RUNDC3B: variants seen among roughly 807,000 people sequenced by gnomAD.
The protein encoded by RUNDC3B is RUN domain-containing protein 3B.
RUNDC3B carries 33 observed loss-of-function variants against 58.4 expected under a neutral mutation model. The ratio of observed to expected loss-of-function variants is 0.56; its 90% CI spans 0.43 to 0.75. The LOEUF (loss-of-function observed/expected upper bound fraction) is 0.75, where lower values mean the gene tolerates loss of function less well. Ranked by LOEUF, RUNDC3B falls within the 30% of genes least tolerant of loss-of-function variation. RUNDC3B has a pLI of 0.00. For missense variants in RUNDC3B, 501 were observed against 535.7 expected, an observed-to-expected ratio of 0.94 and a Z score of 0.64; for synonymous variants, 193 against 195.2, an observed-to-expected ratio of 0.99 and a Z score of 0.10.
intron 6 of RUNDC3B, among the ~76,000 whole-genome samples, chr7:87,760,735 GTGT>G (rs1833633248): frequency 6.6e-6 from 1 of 152,068 alleles, no homozygotes; most frequent in Non-Finnish European, 1.5e-5. Context: ...ATAAAGAATA[GTGT>G]TTTCACTAAA....
rs868349299 is a variant in RUNDC3B at position 87,770,501 on chromosome 7, G to A, written c.630-80G>A. On this transcript the variant is annotated intron_variant, in intron 6 of 10. Transcript: ENST00000394654. The stretch of plus-strand genomic sequence containing the variant: ...CTAAATATTTTCGAATTTGTTCACC[G>A]TAGCTTGCAAATGTAAAAGTGTTTA... 31 of 1,088,012 alleles carry A rather than the reference G, an allele frequency of 2.8e-5. No homozygotes were observed. In the Middle Eastern group the frequency reaches 2.6e-3, roughly 90 times the overall value. 67.4% of individuals were successfully genotyped at this position (1,088,012 alleles called of 1,614,324 possible). A position where few individuals can be genotyped will look rare whatever the true frequency, so the allele number is the denominator to read the frequency against.
intron 1 of RUNDC3B, among the ~76,000 whole-genome samples, chr7:87,632,840 G>T (rs747617203): frequency 2.6e-5 from 4 of 152,024 alleles, no homozygotes; most frequent in African/African-American, 9.7e-5. Flanking sequence ...ATTAAAATAT[G>T]CACATATAAA....
In RUNDC3B at chr7:87,807,380, C is replaced by A; in HGVS notation, c.964C>A (p.Leu322Ile). The change falls in exon 9 of 11, where the codon CTA (leucine) becomes ATA (isoleucine). Residue 322 changes from leucine to isoleucine, a missense_variant. Transcript: ENST00000394654. ...CCATCTTAATATTCACAGGACTGTG[C>A]TAAAGAATAATGATTTAAGATCGAG... ...IVELQDQLTV[L>I]KNNDLRSRQE... 1 of 1,613,582 alleles carries A rather than the reference C, an allele frequency of 6.2e-7. No homozygotes were observed. The highest frequency in any genetic ancestry group is 8.5e-7 in the Non-Finnish European group (1 of 1,179,618).
chr7:87,732,400 A>T (rs1325697175), intron 4 of RUNDC3B, among the ~76,000 whole-genome samples: 1 of 152,046 alleles, frequency 6.6e-6, no homozygotes, highest in East Asian at 1.9e-4. Flanking sequence ...AAATAATAAA[A>T]CCTGAAAAGA....
intron 6 of RUNDC3B, among the ~76,000 whole-genome samples, chr7:87,763,378 C>G (rs1833803664): frequency 2.0e-5 from 3 of 151,652 alleles, no homozygotes; most frequent in Admixed American, 6.6e-5. Flanking sequence ...TCTTGCAAAA[C>G]AACCTTCCTT....
chr7:87,728,562 C>G (rs966766567), intron 4 of RUNDC3B, among the ~76,000 whole-genome samples: 1 of 152,188 alleles, frequency 6.6e-6, no homozygotes, highest in African/African-American at 2.4e-5. Context: ...GCTCATGGCC[C>G]TGCAACAATT....
chr7:87,722,610 A>G (rs576743374), intron 4 of RUNDC3B, among the ~76,000 whole-genome samples: 14 of 152,308 alleles, frequency 9.2e-5, no homozygotes, highest in East Asian at 5.8e-4. Context: ...GGAGATTACC[A>G]TAATTCCTTT....
chr7:87,756,420 T>A (rs948230357), intron 6 of RUNDC3B, among the ~76,000 whole-genome samples: 2 of 152,042 alleles, frequency 1.3e-5, no homozygotes, highest in Non-Finnish European at 2.9e-5. Flanking sequence ...TCTATAAAGA[T>A]GATGTCAGGT....
At chr7:87,720,009 GAA>G (rs1830778769) in intron 4 of RUNDC3B, among the ~76,000 whole-genome samples, 1 of 138,492 alleles carries the variant, frequency 7.2e-6, no homozygotes, top group African/African-American at 2.7e-5. Flanking sequence ...AAAAAAAAGA[GAA>G]AGAAAAACTT....
chr7:87,815,969 G>A (rs577655103), intron 9 of RUNDC3B, among the ~76,000 whole-genome samples, 172 bp from the exon 10 acceptor site: 2 of 152,080 alleles, frequency 1.3e-5, no homozygotes, highest in East Asian at 3.9e-4. Context: ...AAAGATGATA[G>A]AAAGTATAAT....
intron 2 of RUNDC3B, among the ~76,000 whole-genome samples, chr7:87,665,001 C>G (rs992003031): frequency 1.3e-5 from 2 of 152,090 alleles, no homozygotes; most frequent in African/African-American, 4.8e-5. Flanking sequence ...GCATCATATT[C>G]AGTGGTAAAA....
intron 1 of RUNDC3B, among the ~76,000 whole-genome samples, chr7:87,637,844 A>G (rs902076559): frequency 2.6e-5 from 4 of 151,920 alleles, no homozygotes; most frequent in African/African-American, 7.2e-5. Flanking sequence ...GTGCACAGTC[A>G]TGTCATTTGC....
chr7:87,768,966 A>G (rs772520593), intron 6 of RUNDC3B, among the ~76,000 whole-genome samples: 5 of 151,586 alleles, frequency 3.3e-5, no homozygotes, highest in Non-Finnish European at 7.4e-5. Context: ...TAGAAAAACC[A>G]TGTGTATTTT....
chr7:87,684,772 A>AAGAAT (rs1161152828), intron 2 of RUNDC3B, among the ~76,000 whole-genome samples: 4 of 150,208 alleles, frequency 2.7e-5, no homozygotes, highest in East Asian at 3.9e-4. Context: ...AAAAAAAAAA[A>AAGAAT]AGAATAGAAT....
chr7:87,807,334 C>A (rs1171162514), intron 8 of RUNDC3B, 39 bp from the exon 9 acceptor site: 1 of 1,605,084 alleles, frequency 6.2e-7, no homozygotes. Flanking sequence ...CATTGTAGAA[C>A]AGTGAAGACA....
intron 1 of RUNDC3B, among the ~76,000 whole-genome samples, chr7:87,643,339 C>A (rs919463344): frequency 6.6e-6 from 1 of 151,906 alleles, no homozygotes; most frequent in Non-Finnish European, 1.5e-5. Flanking sequence ...TTTTTTGGTT[C>A]CAATAAAAGT....
At chr7:87,672,324 A>G (rs1376034821) in intron 2 of RUNDC3B, among the ~76,000 whole-genome samples, 3 of 151,806 alleles carry the variant, frequency 2.0e-5, no homozygotes, top group Non-Finnish European at 4.4e-5. Context: ...GTCAGCTTGG[A>G]CTCTCCAAAG....
intron 1 of RUNDC3B, among the ~76,000 whole-genome samples, chr7:87,649,453 A>T (rs1823355018): frequency 6.6e-6 from 1 of 152,190 alleles, no homozygotes; most frequent in South Asian, 2.1e-4. Context: ...GGTAGCAGTA[A>T]GATAAATTGT....
chr7:87,683,351 A>G (rs1174530394), intron 2 of RUNDC3B, among the ~76,000 whole-genome samples: 1 of 152,166 alleles, frequency 6.6e-6, no homozygotes, highest in Non-Finnish European at 1.5e-5. Flanking sequence ...TGTATTCACC[A>G]CTTGCCTAAC....
Sources: allele counts gnomAD v4.1 joint callset (sites outside exome capture counted in the v4.1 genomes callset), GRCh38; gene constraint gnomAD v4.1.1; transcripts MANE v1.5; gene names NCBI Gene and HGNC (gene_info 2026-07-23, HGNC 2026-07-21).